YPEL2: variants seen among roughly 807,000 people sequenced by gnomAD.
The protein encoded by YPEL2 is protein yippee-like 2.
YPEL2 carries 2 observed loss-of-function variants against 19.1 expected under a neutral mutation model. The ratio of observed to expected loss-of-function variants is 0.10; its 90% confidence interval spans 0.04 to 0.33. The LOEUF (loss-of-function observed/expected upper bound fraction) is 0.33. YPEL2 is among the 10% of genes least tolerant of loss of function. The pLI is 1.00. For missense variants in YPEL2, 66 were observed against 140.7 expected (o/e 0.47, Z 2.68); for synonymous variants, 52 against 50.0 (o/e 1.04, Z -0.17).
At chr17:59,392,368 T>C (rs1030653469) in intron 4 of YPEL2, among the ~76,000 whole-genome samples, 2 of 152,148 alleles carry the variant, frequency 1.3e-5, no homozygotes, top group Non-Finnish European at 2.9e-5. Flanking sequence ...TTGACAGTCA[T>C]GATGCCAGCT....
intron 2 of YPEL2, among the ~76,000 whole-genome samples, chr17:59,361,311 G>A (rs1285027242): frequency 6.6e-6 from 1 of 152,062 alleles, no homozygotes; most frequent in Non-Finnish European, 1.5e-5. Context: ...GTGTGTGCGC[G>A]TGCATGCACA....
At chr17:59,358,031 A>G (rs73325108) in intron 2 of YPEL2, among the ~76,000 whole-genome samples, 1,601 of 152,274 alleles carry the variant, frequency 0.011, 26 homozygotes, top group African/African-American at 0.036. Context: ...GTGACAAATA[A>G]GGAATTTCTA....
At chr17:59,386,945 A>C (rs1177595241) in intron 2 of YPEL2, among the ~76,000 whole-genome samples, 1 of 152,168 alleles carries the variant, frequency 6.6e-6, no homozygotes, top group African/African-American at 2.4e-5. Context: ...CAGCTGCCCC[A>C]GAGGCAGTTT....
rs1451507 is a variant in YPEL2, at chr17:59,399,912, T to A, written c.*2722T>A. 6.6e-6 allele frequency: 1 copy of A among 152,366 alleles called. No individual in the cohort carries two copies. Among genetic ancestry groups the A allele is most frequent in the South Asian group, 2.1e-4 (1 of 4,816 alleles). The allele number at this position is 152,366 out of a possible 1,614,324, so 9.4% of individuals were successfully genotyped here. On this transcript the variant is annotated 3_prime_UTR_variant, in exon 5 of 5. Transcript: ENST00000312655. The stretch of plus-strand genomic sequence containing the variant: ...TTGGTGAAGTTTGGGGGCGGGGTGT[T>A]GGGAGTAGAGACAGGGTAAGGGGAC...
At position 59,389,609 on chromosome 17, in the gene YPEL2, T is replaced by C. The variant is rs1598052772; in HGVS notation, c.270+141T>C. 27 of 648,542 alleles carry C rather than the reference T, an allele frequency of 4.2e-5. No homozygotes were observed. The East Asian group carries it at 7.4e-4, about 18-fold the overall frequency. The allele number at this position is 648,542 out of a possible 1,614,324, so 40.2% of individuals were successfully genotyped here. A position where few individuals can be genotyped will look rare whatever the true frequency, so the allele number is the denominator to read the frequency against. The stretch of plus-strand genomic sequence containing the variant: ...AATAGTCACCTGTCTACCACACTCA[T>C]TCTTTCCTTTCTGCTGATATATTTC... On this transcript the variant is annotated intron_variant, in intron 4 of 4. Transcript: ENST00000312655.
chr17:59,387,335 T>C (rs1274695084), intron 2 of YPEL2, among the ~76,000 whole-genome samples: 3 of 151,774 alleles, frequency 2.0e-5, no homozygotes, highest in African/African-American at 4.8e-5. Context: ...CCTGCACATC[T>C]GACAAAAATG....
chr17:59,332,249 C>T (rs2047674686), intron 1 of YPEL2, among the ~76,000 whole-genome samples: 2 of 152,122 alleles, frequency 1.3e-5, no homozygotes, highest in Admixed American at 6.5e-5. Flanking sequence ...TCCGTCCTCT[C>T]GTGACGCCGC....
intron 2 of YPEL2, among the ~76,000 whole-genome samples, chr17:59,381,577 G>A (rs1045983284): frequency 6.6e-6 from 1 of 152,150 alleles, no homozygotes; most frequent in African/African-American, 2.4e-5. Context: ...TTTAAAAGGA[G>A]TTTCTGCCTT....
chr17:59,340,641 T>C (rs1267039707), intron 1 of YPEL2, among the ~76,000 whole-genome samples: 4 of 149,508 alleles, frequency 2.7e-5, no homozygotes, highest in Admixed American at 6.6e-5. Context: ...GATCTCGAAC[T>C]CCTGACCTTG....
intron 2 of YPEL2, among the ~76,000 whole-genome samples, chr17:59,370,651 G>A (rs942505024): frequency 5.9e-5 from 9 of 152,142 alleles, no homozygotes; most frequent in African/African-American, 7.2e-5. Flanking sequence ...TGTTCCTGGC[G>A]TCTTACACTG....
At chr17:59,342,077 C>G (rs1343791269) in intron 1 of YPEL2, among the ~76,000 whole-genome samples, 1 of 152,176 alleles carries the variant, frequency 6.6e-6, no homozygotes, top group Non-Finnish European at 1.5e-5. Context: ...GGGAGCCCAG[C>G]CACAGATGTC....
intron 2 of YPEL2, among the ~76,000 whole-genome samples, chr17:59,377,713 C>G (rs1178633848): frequency 6.6e-6 from 1 of 152,176 alleles, no homozygotes; most frequent in Non-Finnish European, 1.5e-5. Context: ...TGCCAAAGCC[C>G]CATTTGAAGC....
At chr17:59,389,610 TCTTTC>T (rs1691997390) in intron 4 of YPEL2, 142 bp downstream of exon 4, 1 of 648,934 alleles carries the variant, frequency 1.5e-6, no homozygotes. Context: ...CCACACTCAT[TCTTTC>T]CTTTCTGCTG....
Position 59,399,406 on chromosome 17 carries a change from A to G in YPEL2, c.*2216A>G, listed in dbSNP as rs1443689854. On this transcript the variant is annotated 3_prime_UTR_variant, in exon 5 of 5. Coordinates refer to ENST00000312655, the MANE Select transcript of YPEL2 (RefSeq NM_001005404.4). ...AACTACAAATGGAATGTGGTGACATAAACTAGACATGGGGTGCCCTCAAGT... is the reference window on the plus strand; with the variant it reads ...AACTACAAATGGAATGTGGTGACATGAACTAGACATGGGGTGCCCTCAAGT... 6.6e-6 allele frequency: 1 copy of G among 152,252 alleles called. No homozygotes were observed. Among genetic ancestry groups the G allele is most frequent in the East Asian group, 1.9e-4 (1 of 5,198 alleles). 9.4% of individuals were successfully genotyped at this position (152,252 alleles called of 1,614,324 possible).
chr17:59,397,230 C>T lies in YPEL2; in HGVS notation c.*40C>T, dbSNP rs751500549. The T allele has an allele frequency of 6.1e-6, 9 of 1,474,118 alleles. No individual in the cohort carries two copies. The highest frequency in any genetic ancestry group is 4.6e-6 in the Non-Finnish European group (5 of 1,083,520). 91.3% of individuals were successfully genotyped at this position (1,474,118 alleles called of 1,614,324 possible). On this transcript the variant is annotated 3_prime_UTR_variant, in exon 5 of 5. Transcript: ENST00000312655. ...CCCAACCCAGTGTCCACGTGAACGCCATTCAACCGAACATTCTTCCCAAGC... is the reference window on the plus strand; with the variant it reads ...CCCAACCCAGTGTCCACGTGAACGCTATTCAACCGAACATTCTTCCCAAGC...
intron 1 of YPEL2, among the ~76,000 whole-genome samples, chr17:59,350,598 A>T (rs2047782889): frequency 6.6e-6 from 1 of 152,164 alleles, no homozygotes; most frequent in Non-Finnish European, 1.5e-5. Flanking sequence ...GTGTGTTTGT[A>T]TGTGACACAC....
At chr17:59,351,201 C>G (rs979537714) in intron 1 of YPEL2, among the ~76,000 whole-genome samples, 5 of 152,014 alleles carry the variant, frequency 3.3e-5, no homozygotes, top group African/African-American at 9.7e-5. Flanking sequence ...ATGGTGAAAC[C>G]CTGTCTCTAC....
chr17:59,399,973 GCCAGCAGCTGCCTTCGTTTGGAA>G lies in YPEL2; in HGVS notation c.*2785_*2807del, dbSNP rs1385332427. ...AAAAGGCATGAAGTTCTATACCTCA[GCCAGCAGCTGCCTTCGTTTGGAA>G]CTGAAGTCCAGCCAGCAGACTCTCT... On this transcript the variant is annotated 3_prime_UTR_variant, in exon 5 of 5. Transcript: ENST00000312655. 6.5e-6 allele frequency: 1 copy of G among 152,696 alleles called. No homozygotes were observed. The highest frequency in any genetic ancestry group is 1.5e-5 in the Non-Finnish European group (1 of 68,126). 9.5% of individuals were successfully genotyped at this position (152,696 alleles called of 1,614,324 possible). A position where few individuals can be genotyped will look rare whatever the true frequency, so the allele number is the denominator to read the frequency against.
In YPEL2 at chr17:59,359,545, T is replaced by TG. The variant is rs546465421; in HGVS notation, c.117+6020dup. 1.6e-3 allele frequency among the ~76,000 whole-genome samples: 246 copies of TG among 152,318 alleles called. 3 individuals carry two copies. Among genetic ancestry groups the TG allele is most frequent in the Admixed American group, 0.013 (205 of 15,302 alleles). ...AATAAAGAATATATACAATATGAGA[T>TG]GTAGCCCTTGAAGATAATTATTCTA... On this transcript the variant is annotated intron_variant, in intron 2 of 4. Coordinates refer to ENST00000312655, the MANE Select transcript of YPEL2 (RefSeq NM_001005404.4).
Sources: allele counts gnomAD v4.1 joint callset (sites outside exome capture counted in the v4.1 genomes callset), GRCh38; gene constraint gnomAD v4.1.1; transcripts MANE v1.5; gene names NCBI Gene and HGNC (gene_info 2026-07-23, HGNC 2026-07-21).